Variants in TM9SF3 observed in about 807,000 individuals in gnomAD.
TM9SF3 encodes the protein SM-11044-binding protein.
A neutral mutation model predicts 78.6 loss-of-function variants in TM9SF3; 14 were observed. That is an observed-to-expected ratio of 0.18 (90% CI 0.12 to 0.28). TM9SF3 has a LOEUF of 0.28. Among genes scored for constraint, TM9SF3 ranks in the 10% least tolerant of loss-of-function variants. TM9SF3 has a pLI of 1.00. For synonymous variants in TM9SF3, 231 were observed against 241.7 expected (o/e 0.96, Z 0.41); for missense variants, 496 against 721.9 (o/e 0.69, Z 3.59).
intron 5 of TM9SF3, among the ~76,000 whole-genome samples, chr10:96,554,195 A>G (rs548672534): frequency 6.6e-6 from 1 of 152,194 alleles, no homozygotes; most frequent in Non-Finnish European, 1.5e-5. Flanking sequence ...GGCACATCAT[A>G]AACACTAAAT....
chr10:96,543,136 C>A (rs1346308079), intron 9 of TM9SF3, among the ~76,000 whole-genome samples: 1 of 152,166 alleles, frequency 6.6e-6, no homozygotes, highest in African/African-American at 2.4e-5. Context: ...AGCCTTCACT[C>A]TAGTCTAGGC....
intron 1 of TM9SF3, among the ~76,000 whole-genome samples, chr10:96,577,991 C>G (rs1191355691): frequency 6.6e-6 from 1 of 152,142 alleles, no homozygotes; most frequent in African/African-American, 2.4e-5. Flanking sequence ...ATCCACTTCC[C>G]CCAGCTTCAT....
intron 5 of TM9SF3, among the ~76,000 whole-genome samples, chr10:96,555,849 T>C (rs1848228405): frequency 6.6e-6 from 1 of 152,184 alleles, no homozygotes; most frequent in Non-Finnish European, 1.5e-5. Context: ...CACCCTGAGA[T>C]GTTAACCCAG....
At position 96,521,125 on chromosome 10, in the gene TM9SF3, A is replaced by G. The variant is rs919768254; in HGVS notation, c.*1138T>C. On this transcript the variant is annotated 3_prime_UTR_variant, in exon 15 of 15. Coordinates refer to ENST00000371142, the MANE Select transcript of TM9SF3 (RefSeq NM_020123.4). ...GTAGGAGTCTCAGAAAATAAACAGA[A>G]GAAAACAACCCCCCTCCCAAAAGAA... is the stretch of plus-strand genomic sequence containing the variant. 1.1e-5 allele frequency: 4 copies of G among 376,718 alleles called. No individual in the cohort carries two copies. Among genetic ancestry groups the G allele is most frequent in the Non-Finnish European group, 1.9e-5 (4 of 211,586 alleles). The allele number at this position is 376,718 out of a possible 1,614,324, so 23.3% of individuals were successfully genotyped here.
rs149132022 is a variant in TM9SF3 at position 96,574,320 on chromosome 10, A to G, written c.298+2314T>C. ...TTTATGCAGCCAACGAACATACAAA[A>G]AAAAGCTCATCATCACCGGTCACTA... On this transcript the variant is annotated intron_variant, in intron 2 of 14. Transcript: ENST00000371142. 8.9e-3 allele frequency among the ~76,000 whole-genome samples: 1,360 copies of G among 152,330 alleles called. 22 individuals carry two copies. Among genetic ancestry groups the G allele is most frequent in the African/African-American group, 0.03 (1,260 of 41,560 alleles).
rs1848166761 is a variant in TM9SF3 at position 96,551,289 on chromosome 10, A to G, written c.915T>C (p.Ser305=). The part of the protein sequence containing the change: ...IGSGCQIFAV[S]LIVIIVAMIE... ...TCATTGCAACAATAATAACGATGAG[A>G]GACACAGCAAATATCTGACATCCAG... Residue 305 remains serine, a synonymous_variant, in exon 7 of 15, where the codon TCT becomes TCC. Coordinates refer to ENST00000371142, the MANE Select transcript of TM9SF3 (RefSeq NM_020123.4). The G allele has an allele frequency of 1.2e-6, 2 of 1,612,714 alleles. No homozygotes were observed. The highest frequency in any genetic ancestry group is 1.7e-6 in the Non-Finnish European group (2 of 1,179,618).
chr10:96,533,209 T>C lies in TM9SF3; in HGVS notation c.1186-19A>G. The C allele has an allele frequency of 6.2e-7, 1 of 1,609,534 alleles. No individual in the cohort carries two copies. The highest frequency in any genetic ancestry group is 8.5e-7 in the Non-Finnish European group (1 of 1,177,432). On this transcript the variant is annotated intron_variant, in intron 9 of 14. Coordinates refer to ENST00000371142, the MANE Select transcript of TM9SF3 (RefSeq NM_020123.4). ...CGGCCACCTGTAAATTAAATAAAAA[T>C]GTGTGATTACTCAGAGAACAATAAC... is the stretch of plus-strand genomic sequence containing the variant.
chr10:96,567,766 C>T (rs1848395618), intron 2 of TM9SF3, among the ~76,000 whole-genome samples: 1 of 152,156 alleles, frequency 6.6e-6, no homozygotes, highest in African/African-American at 2.4e-5. Context: ...CTTTTTATCT[C>T]CAGCCATGCC....
rs192003445 is a variant in TM9SF3 at position 96,561,615 on chromosome 10, T to A, written c.582+363A>T. ...CTATCCAGCAACTTTCAATACAGCATCACTTCTATCTGCAACATTAAAAAG... is the reference window on the plus strand; with the variant it reads ...CTATCCAGCAACTTTCAATACAGCAACACTTCTATCTGCAACATTAAAAAG... On this transcript the variant is annotated intron_variant, in intron 4 of 14. Coordinates refer to ENST00000371142, the MANE Select transcript of TM9SF3 (RefSeq NM_020123.4). Among the ~76,000 whole-genome samples, 11 of 152,324 alleles carry A rather than the reference T, an allele frequency of 7.2e-5. No individual in the cohort carries two copies. In the East Asian group the frequency reaches 2.1e-3, roughly 29 times the overall value.
At chr10:96,537,271 C>A (rs1311020588) in intron 9 of TM9SF3, among the ~76,000 whole-genome samples, 1 of 152,130 alleles carries the variant, frequency 6.6e-6, no homozygotes, top group Non-Finnish European at 1.5e-5. Context: ...TTTTACTATA[C>A]CTTTTCTATG....
At chr10:96,567,497 C>G (rs1448937475) in intron 2 of TM9SF3, among the ~76,000 whole-genome samples, 1 of 152,192 alleles carries the variant, frequency 6.6e-6, no homozygotes, top group African/African-American at 2.4e-5. Flanking sequence ...TTCCCACACA[C>G]CCTGTGCTCT....
chr10:96,533,012 T>G (rs747912378), intron 10 of TM9SF3, 39 bp downstream of exon 10: 1 of 1,610,452 alleles, frequency 6.2e-7, no homozygotes, highest in Non-Finnish European at 8.5e-7. Context: ...ACTTATATAT[T>G]GTGTGAAACA....
At chr10:96,576,549 C>G in intron 2 of TM9SF3, 85 bp downstream of exon 2, 3 of 1,248,836 alleles carry the variant, frequency 2.4e-6, no homozygotes, top group Non-Finnish European at 3.3e-6. Context: ...AAAGAATTAT[C>G]CAACACCAGT....
In TM9SF3 at chr10:96,560,810, A is replaced by G. The variant is rs1226576437; in HGVS notation, c.583-1074T>C. 8 of 548,454 alleles carry G rather than the reference A, an allele frequency of 1.5e-5. No homozygotes were observed. The East Asian group carries it at 3.7e-4, about 25-fold the overall frequency. The allele number at this position is 548,454 out of a possible 1,614,324, so 34.0% of individuals were successfully genotyped here. A position where few individuals can be genotyped will look rare whatever the true frequency, so the allele number is the denominator to read the frequency against. On this transcript the variant is annotated intron_variant, in intron 4 of 14. Coordinates refer to ENST00000371142, the MANE Select transcript of TM9SF3 (RefSeq NM_020123.4). ...ACTCAAAACTATCAACACTAAGATC[A>G]AAAGGACAAAAATCCTTCAAAAACA... is the stretch of plus-strand genomic sequence containing the variant.
intron 3 of TM9SF3, among the ~76,000 whole-genome samples, chr10:96,564,168 G>A (rs993120778): frequency 2.7e-5 from 4 of 150,602 alleles, no homozygotes; most frequent in Admixed American, 6.6e-5. Context: ...GGGGTGCACC[G>A]GTAGTCCCAG....
At chr10:96,557,054 G>A (rs1848242387) in intron 5 of TM9SF3, among the ~76,000 whole-genome samples, 1 of 151,894 alleles carries the variant, frequency 6.6e-6, no homozygotes, top group Non-Finnish European at 1.5e-5. Context: ...CTGCACCCAG[G>A]GCTTAGTCCT....
chr10:96,564,652 A>T (rs927104622), intron 3 of TM9SF3, among the ~76,000 whole-genome samples: 1 of 152,244 alleles, frequency 6.6e-6, no homozygotes, highest in Admixed American at 6.5e-5. Flanking sequence ...AACATTCATT[A>T]TACATAACAG....
At chr10:96,550,972 T>A (rs1848162746) in intron 7 of TM9SF3, among the ~76,000 whole-genome samples, 1 of 152,192 alleles carries the variant, frequency 6.6e-6, no homozygotes, top group African/African-American at 2.4e-5. Flanking sequence ...CAGCTCTGGA[T>A]TGAAAGTAAC....
chr10:96,546,287 T>A (rs1415096507), intron 8 of TM9SF3, among the ~76,000 whole-genome samples: 1 of 152,218 alleles, frequency 6.6e-6, no homozygotes, highest in African/African-American at 2.4e-5. Context: ...AATCAGAACA[T>A]AATCTTTACA....
Sources: allele counts gnomAD v4.1 joint callset (sites outside exome capture counted in the v4.1 genomes callset), GRCh38; gene constraint gnomAD v4.1.1; transcripts MANE v1.5; gene names NCBI Gene and HGNC (gene_info 2026-07-23, HGNC 2026-07-21).